Variants in FRMD5 observed in about 807,000 individuals in gnomAD.
The protein encoded by FRMD5 is FERM domain containing 5.
In FRMD5, 20 loss-of-function variants were observed where a neutral mutation model predicts 69.0. That is an observed-to-expected ratio of 0.29 (90% CI 0.20 to 0.42). The LOEUF is 0.42. FRMD5 is among the 10% of genes least tolerant of loss of function. FRMD5 has a pLI of 1.00. For missense variants in FRMD5, 595 were observed against 708.6 expected, an observed-to-expected ratio of 0.84 and a Z score of 1.82; for synonymous variants, 271 against 260.1, an observed-to-expected ratio of 1.04 and a Z score of -0.40.
chr15:43,965,269 T>C (rs2090274404), intron 1 of FRMD5, among the ~76,000 whole-genome samples: 1 of 152,156 alleles, frequency 6.6e-6, no homozygotes, highest in South Asian at 2.1e-4. Flanking sequence ...CTATGATCAT[T>C]CACTTTGATG....
At chr15:44,007,637 A>ATTTTTTTTTTTTTTTTTTTTTTTTT (rs35512441) in intron 1 of FRMD5, among the ~76,000 whole-genome samples, 1 of 81,144 alleles carries the variant, frequency 1.2e-5, no homozygotes, top group African/African-American at 4.9e-5. Flanking sequence ...TAATTAACTA[A>ATTTTTTTTTTTTTTTTTTTTTTTTT]TTTTTTTTTT....
Position 43,888,286 on chromosome 15 carries a change from G to T in FRMD5, c.793-20C>A. The T allele has an allele frequency of 6.5e-7, 1 of 1,539,748 alleles. No homozygotes were observed. The highest frequency in any genetic ancestry group is 2.2e-5 in the East Asian group (1 of 44,466). On this transcript the variant is annotated intron_variant, in intron 9 of 13. Transcript: ENST00000417257. The stretch of plus-strand genomic sequence containing the variant: ...CTTTTCCTGCAAAAAATTCCACATT[G>T]ATATGGCTGAGTGTGGATGGAGAAG...
At chr15:44,138,873 A>G (rs1467657837) in intron 1 of FRMD5, among the ~76,000 whole-genome samples, 2 of 152,222 alleles carry the variant, frequency 1.3e-5, no homozygotes, top group Admixed American at 6.5e-5. Context: ...TTCCATTTAC[A>G]TAAAATGTTC....
Position 43,899,737 on chromosome 15 carries a change from T to A in FRMD5, c.639+2438A>T, listed in dbSNP as rs556385667. 3.3e-5 allele frequency among the ~76,000 whole-genome samples: 5 copies of A among 152,302 alleles called. No homozygotes were observed. In the East Asian group the frequency reaches 9.6e-4, roughly 29 times the overall value. Reference sequence around the variant, plus strand: ...GGGTGGCAACAGTGCCTGGTATGAATGCTGGTTCCTCCCTGCAGCCTCTTC... The same window carrying A: ...GGGTGGCAACAGTGCCTGGTATGAAAGCTGGTTCCTCCCTGCAGCCTCTTC... On this transcript the variant is annotated intron_variant, in intron 7 of 13. Transcript: ENST00000417257.
intron 1 of FRMD5, among the ~76,000 whole-genome samples, chr15:44,031,366 A>G (rs927774950): frequency 6.6e-5 from 10 of 152,308 alleles, no homozygotes; most frequent in African/African-American, 2.4e-4. Flanking sequence ...GTAACAAAAT[A>G]CCATAACCTG....
chr15:43,915,022 C>T (rs1245035640), intron 4 of FRMD5, among the ~76,000 whole-genome samples: 1 of 152,160 alleles, frequency 6.6e-6, no homozygotes, highest in Non-Finnish European at 1.5e-5. Flanking sequence ...CCACTGCGCC[C>T]AGCCTGTGAC....
At chr15:44,168,923 C>A (rs1438689753) in intron 1 of FRMD5, among the ~76,000 whole-genome samples, 1 of 152,286 alleles carries the variant, frequency 6.6e-6, no homozygotes, top group East Asian at 1.9e-4. Flanking sequence ...AATGTTTCTT[C>A]TCTCCCTGTT....
intron 1 of FRMD5, among the ~76,000 whole-genome samples, chr15:44,120,603 G>A (rs890843600): frequency 2.1e-5 from 3 of 142,766 alleles, no homozygotes; most frequent in East Asian, 2.2e-4. Context: ...GTGCAATCTC[G>A]GCTCCGCCTC....
intron 1 of FRMD5, among the ~76,000 whole-genome samples, chr15:44,131,962 T>G (rs1176971636): frequency 6.6e-6 from 1 of 152,164 alleles, no homozygotes; most frequent in African/African-American, 2.4e-5. Flanking sequence ...CATTGTAATA[T>G]ATAATGAAAT....
intron 1 of FRMD5, among the ~76,000 whole-genome samples, chr15:44,036,921 T>G (rs1162718024): frequency 6.6e-6 from 1 of 152,184 alleles, no homozygotes; most frequent in African/African-American, 2.4e-5. Context: ...TTCTTGTTGT[T>G]AAATCCAACA....
intron 1 of FRMD5, among the ~76,000 whole-genome samples, chr15:44,177,581 C>A (rs1566987408): frequency 6.6e-6 from 1 of 152,070 alleles, no homozygotes; most frequent in African/African-American, 2.4e-5. Flanking sequence ...TGGGGAATAA[C>A]TGCTAATGAG....
At chr15:43,893,684 G>A (rs1039148872) in intron 7 of FRMD5, among the ~76,000 whole-genome samples, 1 of 152,200 alleles carries the variant, frequency 6.6e-6, no homozygotes, top group Non-Finnish European at 1.5e-5. Context: ...GACACCGGGC[G>A]TGAGGCATGG....
intron 1 of FRMD5, among the ~76,000 whole-genome samples, chr15:44,018,778 C>T (rs1417443735): frequency 6.6e-6 from 1 of 152,198 alleles, no homozygotes; most frequent in Non-Finnish European, 1.5e-5. Flanking sequence ...GTCTCCTTGT[C>T]CTCCATGTTT....
chr15:44,011,780 A>G (rs111721246), intron 1 of FRMD5, among the ~76,000 whole-genome samples: 1 of 152,176 alleles, frequency 6.6e-6, no homozygotes, highest in Admixed American at 6.5e-5. Context: ...GTAATCTGAG[A>G]ATCAGCAGAC....
At chr15:43,974,795 C>T (rs1242661127) in intron 1 of FRMD5, among the ~76,000 whole-genome samples, 1 of 152,228 alleles carries the variant, frequency 6.6e-6, no homozygotes, top group Non-Finnish European at 1.5e-5. Flanking sequence ...CAACAGAAAT[C>T]AAAGGCTTCC....
intron 1 of FRMD5, among the ~76,000 whole-genome samples, chr15:44,155,756 T>C (rs1380233415): frequency 6.6e-6 from 1 of 150,692 alleles, no homozygotes; most frequent in Non-Finnish European, 1.5e-5. Flanking sequence ...ACCACGCCTG[T>C]CTAATTTTTG....
intron 1 of FRMD5, among the ~76,000 whole-genome samples, chr15:44,139,261 C>G (rs983481970): frequency 6.6e-6 from 1 of 150,730 alleles, no homozygotes; most frequent in Non-Finnish European, 1.5e-5. Flanking sequence ...ATAACAATTA[C>G]AAGAACAGAA....
chr15:44,138,482 A>G (rs920648539), intron 1 of FRMD5, among the ~76,000 whole-genome samples: 49 of 152,328 alleles, frequency 3.2e-4, no homozygotes, highest in African/African-American at 1.2e-3. Context: ...TGCCTTGAAG[A>G]TAGTGGAGTT....
chr15:43,881,911 C>T lies in FRMD5; in HGVS notation c.1135+1792G>A, dbSNP rs143347745. On this transcript the variant is annotated intron_variant, in intron 13 of 13. Coordinates refer to ENST00000417257, the MANE Select transcript of FRMD5 (RefSeq NM_032892.5). The stretch of plus-strand genomic sequence containing the variant: ...AACAGCAGAGTGATAGCCTTCCTAA[C>T]GTGAGCAATTCATTTTCATTCCCAA... 3.6e-3 allele frequency among the ~76,000 whole-genome samples: 544 copies of T among 152,284 alleles called. 1 individual carries two copies. Among genetic ancestry groups the T allele is most frequent in the African/African-American group, 7.8e-3 (326 of 41,560 alleles).
Sources: gnomAD v4.1 joint callset for allele counts (sites outside exome capture counted in the v4.1 genomes callset) on GRCh38, gnomAD v4.1.1 for gene constraint, MANE v1.5 for transcripts, NCBI Gene and HGNC (gene_info 2026-07-23, HGNC 2026-07-21) for gene names.